Variants in ZNF701 observed in about 807,000 individuals in gnomAD.
ZNF701 encodes the protein zinc finger protein 701.
ZNF701 carries 6 observed loss-of-function variants against 7.1 expected under a neutral mutation model. The ratio of observed to expected loss-of-function variants is 0.84; its 90% CI spans 0.46 to 1.66. The LOEUF (loss-of-function observed/expected upper bound fraction) is 1.66. Ranked by LOEUF, ZNF701 falls within the 40% of genes most tolerant of loss-of-function variation. ZNF701 has a pLI of 0.01. For missense variants in ZNF701, 541 were observed against 559.2 expected (o/e 0.97, Z 0.33); for synonymous variants, 166 against 188.2 (o/e 0.88, Z 0.97).
At chr19:52,576,863 G>A (rs977193231) in intron 3 of ZNF701, among the ~76,000 whole-genome samples, 12 of 152,092 alleles carry the variant, frequency 7.9e-5, no homozygotes, top group African/African-American at 2.9e-4. Flanking sequence ...CAAGAGAAAG[G>A]GCCCTGGACT....
At chr19:52,599,450 T>G in the ZNF701 span, among the ~76,000 whole-genome samples, 1 of 151,952 alleles carries the variant, frequency 6.6e-6, no homozygotes. Flanking sequence ...CTTCTAAGAG[T>G]TTTCCTGTAA....
At chr19:52,598,454 GGGGTGGAGT>G in the ZNF701 span, among the ~76,000 whole-genome samples, 1 of 152,158 alleles carries the variant, frequency 6.6e-6, no homozygotes, top group African/African-American at 2.4e-5. Flanking sequence ...CCTCGGTAAA[GGGGTGGAGT>G]GGCGCGCTGG....
chr19:52,593,556 C>T, the ZNF701 span, among the ~76,000 whole-genome samples: 5 of 113,092 alleles, frequency 4.4e-5, 2 homozygotes, highest in African/African-American at 6.9e-5. Context: ...CACCTCCCTC[C>T]GGGACGAGGT....
chr19:52,585,979 G>GT lies in ZNF701; in HGVS notation c.*2524dup, dbSNP rs139402232. The GT allele has an allele frequency of 0.015, 2,294 of 152,388 alleles. 50 individuals carry two copies. The highest frequency in any genetic ancestry group is 0.045 in the African/African-American group (1,864 of 41,556). The allele number at this position is 152,388 out of a possible 1,614,324, so 9.4% of individuals were successfully genotyped here. A position where few individuals can be genotyped will look rare whatever the true frequency, so the allele number is the denominator to read the frequency against. On this transcript the variant is annotated 3_prime_UTR_variant, in exon 4 of 4. Coordinates refer to ENST00000391785, the MANE Select transcript of ZNF701 (RefSeq NM_018260.3). ...TTTAGTCTAGTTTTGGAAAGTTCGC[G>GT]TTAATTGGTTTTAGATTCCCTGCCT...
chr19:52,594,576 C>A, the ZNF701 span, among the ~76,000 whole-genome samples: 2 of 149,324 alleles, frequency 1.3e-5, no homozygotes, highest in African/African-American at 4.9e-5. Flanking sequence ...TGCAATGGTG[C>A]GATCTCGGCT....
chr19:52,587,818 C>T (rs1259242224), downstream of ZNF701, among the ~76,000 whole-genome samples: 4 of 152,186 alleles, frequency 2.6e-5, no homozygotes, highest in Non-Finnish European at 4.4e-5. Context: ...ATGGGACACA[C>T]CCTCAATAAT....
chr19:52,588,724 T>C (rs2060025181), downstream of ZNF701: 1 of 213,918 alleles, frequency 4.7e-6, no homozygotes, highest in South Asian at 7.4e-5. Flanking sequence ...ACAAGTTTGC[T>C]CGCACTCACC....
At position 52,579,874 on chromosome 19, in the gene ZNF701, A is replaced by AAAATAAAT. The variant is rs78296394; in HGVS notation, c.143-2304_143-2297dup. Among the ~76,000 whole-genome samples the AAAATAAAT allele has an allele frequency of 6.1e-4, 82 of 135,158 alleles. 1 individual carries two copies. The highest frequency in any genetic ancestry group is 2.6e-3 in the South Asian group (12 of 4,564). The allele number at this position is 135,158 out of a possible 152,430, so 88.7% of individuals were successfully genotyped here. On this transcript the variant is annotated intron_variant, in intron 3 of 3. Transcript: ENST00000391785. ...GGGAGACAGAGTGAGACTCCATCTC[A>AAAATAAAT]AAATAAATAAATAAATAAATAAATA... is the stretch of plus-strand genomic sequence containing the variant.
chr19:52,573,370 G>C (rs2059912617), intron 1 of ZNF701, among the ~76,000 whole-genome samples: 1 of 152,150 alleles, frequency 6.6e-6, no homozygotes, highest in African/African-American at 2.4e-5. Context: ...CTCCCGAGTA[G>C]CTGGGCTTAC....
At chr19:52,593,000 T>C in the ZNF701 span, among the ~76,000 whole-genome samples, 1 of 116,288 alleles carries the variant, frequency 8.6e-6, no homozygotes, top group African/African-American at 3.3e-5. Context: ...CATGCTGCCT[T>C]CAAGCATCTG....
chr19:52,578,340 A>G (rs1260655398), intron 3 of ZNF701, among the ~76,000 whole-genome samples: 3 of 152,028 alleles, frequency 2.0e-5, no homozygotes, highest in Non-Finnish European at 4.4e-5. Context: ...GCTACCTAAA[A>G]GGCAAGGGCC....
At chr19:52,570,810 C>G (rs1268467980) in intron 1 of ZNF701, 1 of 152,344 alleles carries the variant, frequency 6.6e-6, no homozygotes, top group South Asian at 2.1e-4. Flanking sequence ...CTTGCTGCAC[C>G]CCAAGTCTCC....
downstream of ZNF701, among the ~76,000 whole-genome samples, chr19:52,590,514 C>T (rs375916783): frequency 6.6e-6 from 1 of 152,232 alleles, no homozygotes; most frequent in South Asian, 2.1e-4. Context: ...AATTTCCATA[C>T]GTTGGTTGAC....
intron 1 of ZNF701, chr19:52,570,865 C>T (rs1032309255): frequency 2.6e-5 from 4 of 152,414 alleles, no homozygotes; most frequent in Non-Finnish European, 5.9e-5. Context: ...GGGGAGGTGC[C>T]AGGGGCCAGT....
intron 3 of ZNF701, among the ~76,000 whole-genome samples, chr19:52,581,172 C>G (rs1214018559): frequency 6.6e-6 from 1 of 152,122 alleles, no homozygotes; most frequent in Non-Finnish European, 1.5e-5. Context: ...AGTGCCTGTT[C>G]CACATGGATA....
chr19:52,590,674 C>T (rs575468294), downstream of ZNF701, among the ~76,000 whole-genome samples: 1 of 152,082 alleles, frequency 6.6e-6, no homozygotes, highest in Non-Finnish European at 1.5e-5. Flanking sequence ...GTCACTTTAT[C>T]CTCTGCTCTC....
downstream of ZNF701, among the ~76,000 whole-genome samples, chr19:52,588,290 A>T (rs1233123842): frequency 1.3e-5 from 2 of 152,026 alleles, no homozygotes; most frequent in Non-Finnish European, 2.9e-5. Context: ...GATCGAGACC[A>T]TCCTGGCCAA....
chr19:52,589,381 C>A (rs1398116293), downstream of ZNF701, among the ~76,000 whole-genome samples: 1 of 151,746 alleles, frequency 6.6e-6, no homozygotes, highest in African/African-American at 2.4e-5. Flanking sequence ...GTTTTGAGAG[C>A]TATTTTGTAT....
the ZNF701 span, among the ~76,000 whole-genome samples, chr19:52,592,519 C>T: frequency 8.3e-4 from 127 of 152,332 alleles, no homozygotes; most frequent in Non-Finnish European, 1.0e-3. Flanking sequence ...GAATTGTCAC[C>T]ATGGCCCAGG....
Sources: allele counts gnomAD v4.1 joint callset (sites outside exome capture counted in the v4.1 genomes callset), GRCh38; gene constraint gnomAD v4.1.1; transcripts MANE v1.5; gene names NCBI Gene and HGNC (gene_info 2026-07-23, HGNC 2026-07-21).